PDZD7: variants seen among roughly 807,000 people sequenced by gnomAD.
PDZD7 encodes the protein PDZ domain-containing protein 7.
A neutral mutation model predicts 84.7 loss-of-function variants in PDZD7; 72 were observed. The ratio of observed to expected loss-of-function variants is 0.85; its 90% CI spans 0.70 to 1.03. PDZD7 has a LOEUF of 1.03. Among genes scored for constraint, PDZD7 ranks in the 50% least tolerant of loss-of-function variants. The pLI is 0.00. For missense variants in PDZD7, 1,490 were observed against 1,412.9 expected, an observed-to-expected ratio of 1.05 and a Z score of -0.87; for synonymous variants, 594 against 580.7, an observed-to-expected ratio of 1.02 and a Z score of -0.33.
chr10:101,019,039 G>A lies in PDZD7; in HGVS notation c.1107C>T (p.Ala369=). ...RGPGWGRADT[A]MQTEPDAGGR... ...CTCCCGCATCGGGCTCCGTCTGCAT[G>A]GCTGTGTCCGCCCGCCCCCAGCCTG... The change falls in exon 8 of 17, where the codon GCC becomes GCT. Residue 369 remains alanine (A), a synonymous_variant. Coordinates refer to ENST00000619208, the MANE Select transcript of PDZD7 (RefSeq NM_001195263.2). 6.4e-7 allele frequency: 1 copy of A among 1,573,654 alleles called. No homozygotes were observed. Among genetic ancestry groups the A allele is most frequent in the Non-Finnish European group, 8.6e-7 (1 of 1,164,526 alleles).
chr10:101,015,943 T>C (rs2134024009), intron 10 of PDZD7, 132 bp from the exon 11 acceptor site: 1 of 981,988 alleles, frequency 1.0e-6, no homozygotes, highest in African/African-American at 1.6e-5. Flanking sequence ...CCCACCATGG[T>C]AGCCCACAGC....
intron 4 of PDZD7, chr10:101,023,200 G>A (rs753722476): frequency 6.7e-5 from 38 of 563,952 alleles, no homozygotes; most frequent in Non-Finnish European, 1.2e-4. Flanking sequence ...CACAGCAGGA[G>A]CAGCGGCAAT....
At chr10:101,020,488 T>C in intron 7 of PDZD7, 130 bp downstream of exon 7, 1 of 851,440 alleles carries the variant, frequency 1.2e-6, no homozygotes, top group Non-Finnish European at 1.9e-6. Context: ...TCCTCCCACC[T>C]CAGCCTCCCA....
intron 8 of PDZD7, 127 bp from the exon 9 acceptor site, chr10:101,018,423 G>C (rs1239887202): frequency 2.0e-6 from 2 of 1,005,322 alleles, no homozygotes; most frequent in Non-Finnish European, 3.0e-6. Context: ...AGCTACGCCG[G>C]GGTGAGAGTG....
At chr10:101,016,337 T>C in intron 10 of PDZD7, 40 bp downstream of exon 10, 1 of 1,548,312 alleles carries the variant, frequency 6.5e-7, no homozygotes, top group Non-Finnish European at 8.7e-7. Flanking sequence ...TCTGCCGCTC[T>C]ACTGTAAACT....
intron 9 of PDZD7, 52 bp downstream of exon 9, chr10:101,018,047 C>T: frequency 6.2e-7 from 1 of 1,611,200 alleles, no homozygotes. Context: ...TGCTGAATGC[C>T]GAAGCTAGTG....
chr10:101,018,413 AG>A (rs1852839136), intron 8 of PDZD7, 117 bp from the exon 9 acceptor site: 1 of 1,114,216 alleles, frequency 9.0e-7, no homozygotes, highest in African/African-American at 1.5e-5. Flanking sequence ...CAGGATCTGC[AG>A]CTACGCCGGG....
intron 10 of PDZD7, 123 bp from the exon 11 acceptor site, chr10:101,015,934 C>T (rs1347694424): frequency 8.1e-6 from 9 of 1,108,968 alleles, no homozygotes; most frequent in Non-Finnish European, 1.1e-5. Context: ...TATATGCTCC[C>T]CACCATGGTA....
chr10:101,018,842 T>C lies in PDZD7; in HGVS notation c.1304A>G (p.Gln435Arg). ...CGTACCCCACAAGGTCAGATAGCTCTGGGAGCGCGTGATGGGGGGCCGGGG... is the reference window on the plus strand; with the variant it reads ...CGTACCCCACAAGGTCAGATAGCTCCGGGAGCGCGTGATGGGGGGCCGGGG... ...SRPRPPITRS[Q>R]SYLTLWEEKQ... The change falls in exon 8 of 17, where the codon CAG becomes CGG. Residue 435 changes from glutamine (Q) to arginine (R), a missense_variant. Coordinates refer to ENST00000619208, the MANE Select transcript of PDZD7 (RefSeq NM_001195263.2). The C allele has an allele frequency of 6.2e-7, 1 of 1,602,728 alleles. No individual in the cohort carries two copies. Among genetic ancestry groups the C allele is most frequent in the Non-Finnish European group, 8.5e-7 (1 of 1,174,402 alleles).
At chr10:101,015,024 G>A (rs1440572815) in intron 11 of PDZD7, among the ~76,000 whole-genome samples, 2 of 152,198 alleles carry the variant, frequency 1.3e-5, no homozygotes, top group Non-Finnish European at 2.9e-5. Context: ...GGGCCCCAGA[G>A]ACTCCTTCAA....
intron 4 of PDZD7, chr10:101,023,070 C>CTTTTT (rs1161602421): frequency 6.3e-5 from 8 of 127,876 alleles, no homozygotes; most frequent in African/African-American, 2.8e-4. Flanking sequence ...CCATGCCCGG[C>CTTTTT]TTTTTTTTTT....
At chr10:101,025,522 T>TTTTATTTATTTATTTATTTA (rs59545181) in intron 2 of PDZD7, among the ~76,000 whole-genome samples, 2 of 137,944 alleles carry the variant, frequency 1.4e-5, no homozygotes, top group Admixed American at 7.2e-5. Context: ...ATGGAAGGGA[T>TTTTATTTATTTATTTATTTA]TTTATTTATT....
chr10:101,021,996 A>G, intron 5 of PDZD7, 51 bp from the exon 6 acceptor site: 1 of 1,603,252 alleles, frequency 6.2e-7, no homozygotes, highest in Non-Finnish European at 8.5e-7. Context: ...GCCCTCCGTT[A>G]CCCCACTCCA....
At chr10:101,018,422 G>A (rs1852840069) in intron 8 of PDZD7, 126 bp from the exon 9 acceptor site, 4 of 1,020,076 alleles carry the variant, frequency 3.9e-6, no homozygotes, top group Admixed American at 4.3e-5. Context: ...CAGCTACGCC[G>A]GGGTGAGAGT....
At position 101,008,268 on chromosome 10, in the gene PDZD7, C is replaced by T; in HGVS notation, c.*199G>A. 1.6e-6 allele frequency: 1 copy of T among 628,614 alleles called. No homozygotes were observed. The allele number at this position is 628,614 out of a possible 1,614,324, so 38.9% of individuals were successfully genotyped here. ...GCAGGTGACACAGGCTGCCCACTAG[C>T]ACCTTGTCCTTGGACACTAAGGCAG... On this transcript the variant is annotated 3_prime_UTR_variant, in exon 17 of 17. Coordinates refer to ENST00000619208, the MANE Select transcript of PDZD7 (RefSeq NM_001195263.2).
intron 6 of PDZD7, among the ~76,000 whole-genome samples, chr10:101,020,947 A>G (rs1164597224): frequency 1.3e-5 from 2 of 152,134 alleles, no homozygotes; most frequent in East Asian, 3.9e-4. Flanking sequence ...TAATTTCCTT[A>G]GAGCATTTGT....
chr10:101,022,929 C>T (rs762252740), intron 4 of PDZD7, among the ~76,000 whole-genome samples: 4 of 151,982 alleles, frequency 2.6e-5, no homozygotes, highest in Non-Finnish European at 5.9e-5. Context: ...TGCTCCACCA[C>T]GCTCGGTTAA....
At chr10:101,018,432 T>G (rs1377862168) in intron 8 of PDZD7, 136 bp from the exon 9 acceptor site, 6 of 944,426 alleles carry the variant, frequency 6.4e-6, no homozygotes, top group East Asian at 2.6e-5. Flanking sequence ...GGGGTGAGAG[T>G]GCGGTTCCTC....
Position 101,008,863 on chromosome 10 carries a change from G to A in PDZD7, c.2719-13C>T. On this transcript the variant is annotated splice_polypyrimidine_tract_variant and intron_variant, in intron 16 of 16. Coordinates refer to ENST00000619208, the MANE Select transcript of PDZD7 (RefSeq NM_001195263.2). Reference sequence around the variant, plus strand: ...GCTCGAAGCCAGCCTAGGGTGGGGTGAGAGAGTCACATCCCTCCCTCCTCA... The same window carrying A: ...GCTCGAAGCCAGCCTAGGGTGGGGTAAGAGAGTCACATCCCTCCCTCCTCA... 1 of 1,476,048 alleles carries A rather than the reference G, an allele frequency of 6.8e-7. No homozygotes were observed. Among genetic ancestry groups the A allele is most frequent in the Non-Finnish European group, 9.0e-7 (1 of 1,114,218 alleles). 91.4% of individuals were successfully genotyped at this position (1,476,048 alleles called of 1,614,324 possible).
Sources: gnomAD v4.1 joint callset for allele counts (sites outside exome capture counted in the v4.1 genomes callset) on GRCh38, gnomAD v4.1.1 for gene constraint, MANE v1.5 for transcripts, NCBI Gene and HGNC (gene_info 2026-07-23, HGNC 2026-07-21) for gene names.